The following FLT1 variants were observed in gnomAD, a reference collection of about 807,000 sequenced individuals.
The protein encoded by FLT1 is vascular endothelial growth factor receptor 1.
In FLT1, 49 loss-of-function variants were observed where a neutral mutation model predicts 156.3. The ratio of observed to expected loss-of-function variants is 0.31; its 90% CI spans 0.25 to 0.40. The LOEUF (loss-of-function observed/expected upper bound fraction) is 0.40, where lower values mean the gene tolerates loss of function less well. Among genes scored for constraint, FLT1 ranks in the 10% least tolerant of loss-of-function variants. The probability of loss-of-function intolerance (pLI) is 1.00; values close to 1 mark genes in which losing one functional copy is unlikely to be tolerated. For synonymous variants in FLT1, 594 were observed against 583.8 expected, an observed-to-expected ratio of 1.02 and a Z score of -0.25; for missense variants, 1,322 against 1,637.2, an observed-to-expected ratio of 0.81 and a Z score of 3.32.
chr13:28,456,910 G>A (rs756364156), intron 3 of FLT1, among the ~76,000 whole-genome samples: 1 of 152,114 alleles, frequency 6.6e-6, no homozygotes, highest in Non-Finnish European at 1.5e-5. Flanking sequence ...ACTCTGTATG[G>A]TACTATAATA....
At chr13:28,430,202 G>T (rs1877601516) in intron 7 of FLT1, 35 bp from the exon 8 acceptor site, 4 of 1,479,832 alleles carry the variant, frequency 2.7e-6, no homozygotes, top group Non-Finnish European at 3.8e-6. Context: ...CATTAGAAAA[G>T]AATAATTTCC....
At chr13:28,420,922 A>G (rs1876962739) in intron 10 of FLT1, among the ~76,000 whole-genome samples, 1 of 152,112 alleles carries the variant, frequency 6.6e-6, no homozygotes, top group Admixed American at 6.5e-5. Flanking sequence ...CAATTAGGCA[A>G]GCCCCTCTCG....
chr13:28,390,093 C>G lies in FLT1; in HGVS notation c.1672G>C (p.Gly558Arg). 1 of 1,613,328 alleles carries G rather than the reference C, an allele frequency of 6.2e-7. No individual in the cohort carries two copies. The highest frequency in any genetic ancestry group is 8.5e-7 in the Non-Finnish European group (1 of 1,179,294). ...ATTTTTTCCAAGTTAACATGAAACC[C>G]ATTTGGCACATCTATAAAATAAGAA... ...ISFYITDVPN[G>R]FHVNLEKMPT... The change falls in exon 13 of 30, where the codon GGG (glycine) becomes CGG (arginine). Residue 558 changes from glycine to arginine, a missense_variant. Physicochemically the swap from Gly to Arg is moderately radical, Grantham distance 125. Transcript: ENST00000282397.
chr13:28,360,037 G>T (rs1873051549), intron 14 of FLT1, among the ~76,000 whole-genome samples: 1 of 106,644 alleles, frequency 9.4e-6, no homozygotes, highest in Non-Finnish European at 2.1e-5. Context: ...CTTGAACTGG[G>T]GAGGCAGAGG....
intron 9 of FLT1, 86 bp from the exon 10 acceptor site, chr13:28,427,404 A>C: frequency 1.3e-4 from 161 of 1,219,434 alleles, no homozygotes; most frequent in Non-Finnish European, 1.8e-4. Flanking sequence ...CCACATTCTC[A>C]CTGGCTTTGA....
At chr13:28,344,640 C>T (rs1431913359) in intron 16 of FLT1, among the ~76,000 whole-genome samples, 1 of 152,060 alleles carries the variant, frequency 6.6e-6, no homozygotes, top group African/African-American at 2.4e-5. Flanking sequence ...ATATTACAGA[C>T]CTAAGTATAG....
At chr13:28,487,783 C>T (rs1227348282) in intron 1 of FLT1, among the ~76,000 whole-genome samples, 2 of 152,010 alleles carry the variant, frequency 1.3e-5, no homozygotes, top group African/African-American at 4.8e-5. Flanking sequence ...AAGCAAAAGG[C>T]TTGTAGAACT....
intron 11 of FLT1, among the ~76,000 whole-genome samples, chr13:28,402,828 C>T (rs1875537372): frequency 6.6e-6 from 1 of 152,102 alleles, no homozygotes; most frequent in Non-Finnish European, 1.5e-5. Flanking sequence ...CTCACTCTGT[C>T]ACCCAGGCTG....
intron 23 of FLT1, among the ~76,000 whole-genome samples, chr13:28,320,237 G>A (rs1260776552): frequency 2.6e-5 from 4 of 152,166 alleles, no homozygotes; most frequent in Non-Finnish European, 5.9e-5. Flanking sequence ...ACAGAAAGGA[G>A]GGGAGGACTA....
At chr13:28,404,048 A>G (rs1356055430) in intron 11 of FLT1, among the ~76,000 whole-genome samples, 1 of 146,138 alleles carries the variant, frequency 6.8e-6, no homozygotes, top group Non-Finnish European at 1.5e-5. Flanking sequence ...TGTCTCAAAA[A>G]AAAAAAAAAG....
chr13:28,355,496 A>T (rs1247284386), intron 15 of FLT1, among the ~76,000 whole-genome samples: 1 of 152,232 alleles, frequency 6.6e-6, no homozygotes, highest in African/African-American at 2.4e-5. Context: ...GCAGAATAAA[A>T]TAAGTACTGA....
At chr13:28,435,449 G>C (rs1385005122) in intron 4 of FLT1, among the ~76,000 whole-genome samples, 2 of 152,120 alleles carry the variant, frequency 1.3e-5, no homozygotes, top group Non-Finnish European at 2.9e-5. Context: ...CCCAATTTCA[G>C]TGGTGGTAGA....
chr13:28,481,916 GTA>G (rs1880875998), intron 1 of FLT1, among the ~76,000 whole-genome samples: 1 of 152,130 alleles, frequency 6.6e-6, no homozygotes, highest in African/African-American at 2.4e-5. Context: ...TGATAAACAT[GTA>G]ACACAATGAA....
At chr13:28,370,459 A>C (rs1312648513) in intron 14 of FLT1, among the ~76,000 whole-genome samples, 1 of 152,210 alleles carries the variant, frequency 6.6e-6, no homozygotes, top group East Asian at 1.9e-4. Context: ...TAAAACTTAA[A>C]GTATAATAAA....
chr13:28,321,080 A>G (rs1871439003), intron 23 of FLT1, among the ~76,000 whole-genome samples: 1 of 152,166 alleles, frequency 6.6e-6, no homozygotes, highest in Non-Finnish European at 1.5e-5. Context: ...TGCTGAATCA[A>G]TCATCTGGGT....
intron 12 of FLT1, among the ~76,000 whole-genome samples, chr13:28,391,992 C>CTAT (rs147629956): frequency 1.3e-5 from 2 of 152,138 alleles, no homozygotes; most frequent in South Asian, 2.1e-4. Flanking sequence ...TTATGTTATG[C>CTAT]TATTATTATT....
At chr13:28,456,403 T>C (rs1380383918) in intron 3 of FLT1, among the ~76,000 whole-genome samples, 1 of 152,112 alleles carries the variant, frequency 6.6e-6, no homozygotes, top group Non-Finnish European at 1.5e-5. Context: ...TTTAAATGCA[T>C]ATTACAAAAT....
In FLT1 at chr13:28,386,723, C is replaced by T. The variant is rs1397525443; in HGVS notation, c.1970-1692G>A. The T allele has an allele frequency of 6.6e-6, 7 of 1,055,008 alleles. No individual in the cohort carries two copies. The African/African-American group carries it at 1.2e-4, about 17-fold the overall frequency. The allele number at this position is 1,055,008 out of a possible 1,614,324, so 65.4% of individuals were successfully genotyped here. On this transcript the variant is annotated intron_variant, in intron 13 of 29. Coordinates refer to ENST00000282397, the MANE Select transcript of FLT1 (RefSeq NM_002019.4). ...ACATGCTTGCTCATTACAATTTTGA[C>T]ATTTTTTACATAGTGAAGACCCCAA...
intron 3 of FLT1, 30 bp from the exon 4 acceptor site, chr13:28,438,375 T>C (rs1593793366): frequency 1.3e-6 from 2 of 1,569,832 alleles, no homozygotes; most frequent in East Asian, 2.2e-5. Flanking sequence ...AAAAAATATA[T>C]ACATAAATGA....
Sources: allele counts gnomAD v4.1 joint callset (sites outside exome capture counted in the v4.1 genomes callset), GRCh38; gene constraint gnomAD v4.1.1; transcripts MANE v1.5; gene names NCBI Gene and HGNC (gene_info 2026-07-23, HGNC 2026-07-21).